SLC6A7: variants seen among roughly 807,000 people sequenced by gnomAD.
SLC6A7 encodes sodium-dependent proline transporter.
SLC6A7 carries 58 observed loss-of-function variants against 73.1 expected under a neutral mutation model. The observed-to-expected ratio is 0.79, with a 90% confidence interval of 0.64 to 0.99. SLC6A7 has a LOEUF of 0.99. SLC6A7 is among the 50% of genes least tolerant of loss of function. The probability of loss-of-function intolerance (pLI) is 0.00; values close to 1 mark genes in which losing one functional copy is unlikely to be tolerated. For synonymous variants in SLC6A7, 338 were observed against 338.7 expected (o/e 1.00, Z 0.02); for missense variants, 783 against 831.4 (o/e 0.94, Z 0.72).
Position 150,196,843 on chromosome 5 carries a change from C to T in SLC6A7, c.345C>T (p.Phe115=). ...PLAVWKISPL[F]KGAGAAMLLI... ...CTGTCTGGAAAATCAGCCCTCTCTTCAAAGGTGAGGCCTCAGTGGTCCCCA... is the reference window on the plus strand; with the variant it reads ...CTGTCTGGAAAATCAGCCCTCTCTTTAAAGGTGAGGCCTCAGTGGTCCCCA... The change falls in exon 3 of 14, where the codon TTC becomes TTT. Residue 115 remains phenylalanine, a synonymous_variant. Transcript: ENST00000230671. The T allele has an allele frequency of 6.2e-7, 1 of 1,613,936 alleles. No individual in the cohort carries two copies. Among genetic ancestry groups the T allele is most frequent in the Non-Finnish European group, 8.5e-7 (1 of 1,179,876 alleles).
intron 1 of SLC6A7, 65 bp from the exon 2 acceptor site, chr5:150,194,663 T>C: frequency 8.3e-7 from 1 of 1,207,010 alleles, no homozygotes; most frequent in Non-Finnish European, 1.2e-6. Flanking sequence ...AGTCTTGTCT[T>C]GAGGTCACAT....
rs13169575 is a variant in SLC6A7 at position 150,210,440 on chromosome 5, T to C, written c.*825T>C. 0.29 allele frequency: 43,659 copies of C among 152,478 alleles called. 7,011 individuals carry two copies. Among genetic ancestry groups the C allele is most frequent in the Non-Finnish European group, 0.37 (25,323 of 68,208 alleles). The allele number at this position is 152,478 out of a possible 1,614,324, so 9.4% of individuals were successfully genotyped here. A position where few individuals can be genotyped will look rare whatever the true frequency, so the allele number is the denominator to read the frequency against. On this transcript the variant is annotated 3_prime_UTR_variant, in exon 14 of 14. Coordinates refer to ENST00000230671, the MANE Select transcript of SLC6A7 (RefSeq NM_014228.5). The stretch of plus-strand genomic sequence containing the variant: ...GATGAGGAGTATCATTCCAGATCTG[T>C]GCAGAGCGGATCGGACGGGACAGGG...
chr5:150,202,727 T>A (rs762566937), intron 8 of SLC6A7, 24 bp downstream of exon 8: 1 of 1,612,712 alleles, frequency 6.2e-7, no homozygotes, highest in East Asian at 2.2e-5. Context: ...CAGGCCTCAG[T>A]GGGGTGAGCA....
chr5:150,204,673 G>A (rs746281991), intron 11 of SLC6A7, 42 bp downstream of exon 11: 2 of 1,468,544 alleles, frequency 1.4e-6, no homozygotes, highest in African/African-American at 1.4e-5. Flanking sequence ...TCTCCGCAGT[G>A]GGAGAATGGG....
At chr5:150,190,493 A>T in intron 1 of SLC6A7, 133 bp downstream of exon 1, 1 of 579,114 alleles carries the variant, frequency 1.7e-6, no homozygotes, top group Non-Finnish European at 2.9e-6. Context: ...GGCCCGACTC[A>T]GCTGGATAAC....
rs199832954 is a variant in SLC6A7 at position 150,203,650 on chromosome 5, G to A, written c.1088-17G>A. On this transcript the variant is annotated splice_polypyrimidine_tract_variant and intron_variant, in intron 8 of 13. Coordinates refer to ENST00000230671, the MANE Select transcript of SLC6A7 (RefSeq NM_014228.5). The stretch of plus-strand genomic sequence containing the variant: ...CCGCATGACCCAAGCTGCTGACCCC[G>A]TGTGCCCCTGGCCCAGGCCCTGGCC... 8.7e-5 allele frequency: 121 copies of A among 1,397,496 alleles called. No individual in the cohort carries two copies. The highest frequency in any genetic ancestry group is 1.2e-4 in the South Asian group (10 of 86,808). 86.6% of individuals were successfully genotyped at this position (1,397,496 alleles called of 1,614,324 possible).
chr5:150,199,195 A>T (rs994169043), intron 4 of SLC6A7, 33 bp from the exon 5 acceptor site: 1 of 1,554,804 alleles, frequency 6.4e-7, no homozygotes, highest in East Asian at 2.3e-5. Flanking sequence ...TGGTGGGGTG[A>T]CCAGGGGACA....
At chr5:150,192,303 C>T (rs1002235830) in intron 1 of SLC6A7, among the ~76,000 whole-genome samples, 4 of 152,182 alleles carry the variant, frequency 2.6e-5, no homozygotes, top group Non-Finnish European at 5.9e-5. Context: ...TATTGTCTCT[C>T]TCTGTCCTGA....
Position 150,194,661 on chromosome 5 carries a change from C to T in SLC6A7, c.34-67C>T, listed in dbSNP as rs954709026. ...GCCCTGTTCAATTCCAGAGTCTTGTCTTGAGGTCACATTTCTGGCCTGGCC... is the reference window on the plus strand; with the variant it reads ...GCCCTGTTCAATTCCAGAGTCTTGTTTTGAGGTCACATTTCTGGCCTGGCC... On this transcript the variant is annotated intron_variant, in intron 1 of 13. Coordinates refer to ENST00000230671, the MANE Select transcript of SLC6A7 (RefSeq NM_014228.5). 5.0e-6 allele frequency: 6 copies of T among 1,190,440 alleles called. No individual in the cohort carries two copies. The African/African-American group carries it at 7.5e-5, about 15-fold the overall frequency. 73.7% of individuals were successfully genotyped at this position (1,190,440 alleles called of 1,614,324 possible).
intron 10 of SLC6A7, among the ~76,000 whole-genome samples, chr5:150,204,261 C>T (rs770055328): frequency 4.6e-5 from 7 of 152,218 alleles, no homozygotes; most frequent in Non-Finnish European, 7.3e-5. Flanking sequence ...TCAAACCTGA[C>T]TCCTGCACTT....
In SLC6A7 at chr5:150,209,638, G is replaced by A. The variant is rs1161838027; in HGVS notation, c.*23G>A. 1 of 1,543,818 alleles carries A rather than the reference G, an allele frequency of 6.5e-7. No homozygotes were observed. The highest frequency in any genetic ancestry group is 2.4e-5 in the East Asian group (1 of 42,066). On this transcript the variant is annotated 3_prime_UTR_variant, in exon 14 of 14. Transcript: ENST00000230671. The stretch of plus-strand genomic sequence containing the variant: ...TGAGGCAGGAGGCAGGCGGGCAGAA[G>A]GCCCTGCCCGGGACCTCACAGTCCC...
rs969502912 is a variant in SLC6A7 at position 150,201,181 on chromosome 5, G to A, written c.816G>A (p.Gln272=). The A allele has an allele frequency of 4.3e-6, 7 of 1,613,582 alleles. No homozygotes were observed. Among genetic ancestry groups the A allele is most frequent in the African/African-American group, 1.3e-5 (1 of 74,898 alleles). Residue 272 remains glutamine, a synonymous_variant, in exon 6 of 14, where the codon CAG becomes CAA. Transcript: ENST00000230671. ...TCCCAGGGGCCTGGAAGGGCATCCAGTTCTATCTCACCCCCCAGTTCCACC... is the reference window on the plus strand; with the variant it reads ...TCCCAGGGGCCTGGAAGGGCATCCAATTCTATCTCACCCCCCAGTTCCACC... The part of the protein sequence containing the change: ...VTLPGAWKGI[Q]FYLTPQFHHL...
Position 150,202,642 on chromosome 5 carries a change from C to T in SLC6A7, c.1026C>T (p.Phe342=). 6.2e-7 allele frequency: 1 copy of T among 1,614,266 alleles called. No homozygotes were observed. The highest frequency in any genetic ancestry group is 8.5e-7 in the Non-Finnish European group (1 of 1,180,042). The part of the protein sequence containing the change: ...ITSILAGFAI[F]SVLGYMSQEL... Reference sequence around the variant, plus strand: ...GCATCCTGGCTGGCTTTGCCATCTTCTCCGTGCTGGGCTACATGTCTCAGG... The same window carrying T: ...GCATCCTGGCTGGCTTTGCCATCTTTTCCGTGCTGGGCTACATGTCTCAGG... The change falls in exon 8 of 14, where the codon TTC becomes TTT. Residue 342 remains phenylalanine, a synonymous_variant. Coordinates refer to ENST00000230671, the MANE Select transcript of SLC6A7 (RefSeq NM_014228.5).
chr5:150,205,399 G>A (rs987025062), intron 12 of SLC6A7, 57 bp from the exon 13 acceptor site: 1 of 1,322,972 alleles, frequency 7.6e-7, no homozygotes, highest in Non-Finnish European at 9.9e-7. Flanking sequence ...GGCTACCTCG[G>A]GCCTTAAGCA....
chr5:150,195,939 G>T (rs1043565309), intron 2 of SLC6A7, among the ~76,000 whole-genome samples: 4 of 152,142 alleles, frequency 2.6e-5, no homozygotes, highest in African/African-American at 4.8e-5. Flanking sequence ...CGCAGTTGGT[G>T]GGGGACAGGC....
At chr5:150,203,820 G>GGTGTGTGTGT (rs35380195) in intron 9 of SLC6A7, 41 bp downstream of exon 9, 9,629 of 800,718 alleles carry the variant, frequency 0.012, 174 homozygotes, top group African/African-American at 0.07. Context: ...GTGTGTGTGT[G>GGTGTGTGTGT]GTGTGTGTGT....
intron 5 of SLC6A7, among the ~76,000 whole-genome samples, chr5:150,199,911 G>A (rs1233212467): frequency 6.6e-6 from 1 of 152,152 alleles, no homozygotes; most frequent in Non-Finnish European, 1.5e-5. Flanking sequence ...TCTAAGCTTG[G>A]TAAAGGGTTG....
Position 150,209,615 on chromosome 5 carries a change from A to AGGCAGGAGGCAGGCG in SLC6A7, c.*6_*20dup, listed in dbSNP as rs1200853983. On this transcript the variant is annotated 3_prime_UTR_variant, in exon 14 of 14. Coordinates refer to ENST00000230671, the MANE Select transcript of SLC6A7 (RefSeq NM_014228.5). ...CAGAGGAGGAGGAGTCGATGATGTG[A>AGGCAGGAGGCAGGCG]GGCAGGAGGCAGGCGGGCAGAAGGC... The AGGCAGGAGGCAGGCG allele has an allele frequency of 6.3e-7, 1 of 1,589,482 alleles. No individual in the cohort carries two copies.
intron 10 of SLC6A7, among the ~76,000 whole-genome samples, chr5:150,204,301 C>A (rs1562097807): frequency 6.6e-6 from 1 of 152,290 alleles, no homozygotes; most frequent in East Asian, 1.9e-4. Context: ...AAATGATTTC[C>A]CCTCCCTGAG....
Sources: gnomAD v4.1 joint callset for allele counts (sites outside exome capture counted in the v4.1 genomes callset) on GRCh38, gnomAD v4.1.1 for gene constraint, MANE v1.5 for transcripts, NCBI Gene and HGNC (gene_info 2026-07-23, HGNC 2026-07-21) for gene names.